The following PHACTR1 variants were observed in gnomAD, a reference collection of about 807,000 sequenced individuals.
PHACTR1 encodes RPEL repeat containing 1.
Under a neutral mutation model 69.2 loss-of-function variants are expected in PHACTR1, and 16 were observed. The observed-to-expected ratio is 0.23, with a 90% CI of 0.16 to 0.35. PHACTR1 has a LOEUF of 0.35. Among genes scored for constraint, PHACTR1 ranks in the 10% least tolerant of loss-of-function variants. The pLI is 1.00. For synonymous variants in PHACTR1, 312 were observed against 284.5 expected (o/e 1.10, Z -0.97); for missense variants, 510 against 734.7 (o/e 0.69, Z 3.54).
intron 6 of PHACTR1, among the ~76,000 whole-genome samples, chr6:13,172,611 A>T (rs1760773737): frequency 1.3e-5 from 2 of 152,218 alleles, no homozygotes; most frequent in Non-Finnish European, 2.9e-5. Flanking sequence ...ACCCAGGGTC[A>T]ATGTCTTTGC....
intron 4 of PHACTR1, among the ~76,000 whole-genome samples, chr6:12,859,915 C>A (rs1007961474): frequency 1.3e-5 from 2 of 152,138 alleles, no homozygotes; most frequent in East Asian, 3.9e-4. Context: ...TAGAGCTAGG[C>A]GGCACCAACC....
chr6:13,263,603 T>A (rs934164121), intron 10 of PHACTR1, among the ~76,000 whole-genome samples: 3 of 152,250 alleles, frequency 2.0e-5, no homozygotes, highest in Non-Finnish European at 2.9e-5. Flanking sequence ...CATTAAACAT[T>A]TAATTTTGGA....
chr6:13,286,075 G>A, intron 13 of PHACTR1, 71 bp from the exon 14 acceptor site: 1 of 1,267,838 alleles, frequency 7.9e-7, no homozygotes. Flanking sequence ...ATGTTGTTAG[G>A]AATGAACTGA....
At chr6:13,171,180 C>T (rs1413223021) in intron 6 of PHACTR1, among the ~76,000 whole-genome samples, 1 of 136,116 alleles carries the variant, frequency 7.3e-6, no homozygotes, top group African/African-American at 2.9e-5. Flanking sequence ...CCCACCCCAC[C>T]CCACTTCCGC....
At chr6:12,761,093 C>A (rs1385282505) in intron 4 of PHACTR1, among the ~76,000 whole-genome samples, 1 of 152,178 alleles carries the variant, frequency 6.6e-6, no homozygotes, top group Non-Finnish European at 1.5e-5. Context: ...TCTCTCTGAA[C>A]CTCTGAAACT....
intron 4 of PHACTR1, among the ~76,000 whole-genome samples, chr6:12,792,823 T>C (rs1016184642): frequency 1.3e-5 from 2 of 150,810 alleles, no homozygotes; most frequent in Admixed American, 1.3e-4. Flanking sequence ...CCACTATGTT[T>C]GTGCTTTAAA....
In PHACTR1 at chr6:12,815,842, G is replaced by GA. The variant is rs559182589; in HGVS notation, c.250+66059dup. 3.8e-3 allele frequency among the ~76,000 whole-genome samples: 584 copies of GA among 152,156 alleles called. 6 individuals are homozygous for GA. Among genetic ancestry groups the GA allele is most frequent in the African/African-American group, 0.012 (510 of 41,508 alleles). Reference sequence around the variant, plus strand: ...TCCACAAGAAACTGAAGGTTTTCATGAAAAAAAGTCCTTTTTCTTCTCCTG... The same window carrying GA: ...TCCACAAGAAACTGAAGGTTTTCATGAAAAAAAAGTCCTTTTTCTTCTCCTG... On this transcript the variant is annotated intron_variant, in intron 4 of 14. Coordinates refer to ENST00000332995, the MANE Select transcript of PHACTR1 (RefSeq NM_030948.6).
chr6:12,961,654 A>T (rs1039095761), intron 4 of PHACTR1, among the ~76,000 whole-genome samples: 2 of 152,246 alleles, frequency 1.3e-5, no homozygotes, highest in African/African-American at 4.8e-5. Context: ...TCTTATAGAT[A>T]GTAATGAAGA....
intron 4 of PHACTR1, among the ~76,000 whole-genome samples, chr6:12,886,718 A>C (rs1289816186): frequency 1.3e-5 from 2 of 152,190 alleles, no homozygotes; most frequent in African/African-American, 4.8e-5. Context: ...GCTCATGGAG[A>C]CACCTGATGC....
intron 4 of PHACTR1, among the ~76,000 whole-genome samples, chr6:12,829,144 CA>C (rs1182842183): frequency 2.0e-5 from 3 of 152,056 alleles, no homozygotes; most frequent in African/African-American, 7.2e-5. Flanking sequence ...AACAAGAAAG[CA>C]ATTTGGAATA....
At chr6:12,832,603 A>T (rs145271336) in intron 4 of PHACTR1, among the ~76,000 whole-genome samples, 17 of 152,198 alleles carry the variant, frequency 1.1e-4, no homozygotes, top group African/African-American at 4.1e-4. Context: ...AGAACTTCTC[A>T]TATGAAAGCC....
intron 4 of PHACTR1, among the ~76,000 whole-genome samples, chr6:12,799,602 C>T (rs906173390): frequency 6.6e-6 from 1 of 152,150 alleles, no homozygotes; most frequent in Non-Finnish European, 1.5e-5. Flanking sequence ...AGAAGGGCAC[C>T]TGCCTCACCT....
In PHACTR1 at chr6:12,757,910, G is replaced by A. The variant is rs111393404; in HGVS notation, c.250+8120G>A. Among the ~76,000 whole-genome samples, 1,066 of 152,178 alleles carry A rather than the reference G, an allele frequency of 7.0e-3. 5 individuals carry two copies. The highest frequency in any genetic ancestry group is 0.027 in the Middle Eastern group (8 of 294). The stretch of plus-strand genomic sequence containing the variant: ...GCGGATCACCTGAGGTCAGGAGTTC[G>A]AGACGAGCCTGGCCAACACGGTGAA... On this transcript the variant is annotated intron_variant, in intron 4 of 14. Transcript: ENST00000332995.
intron 5 of PHACTR1, among the ~76,000 whole-genome samples, chr6:13,117,892 G>A (rs1389922672): frequency 1.3e-5 from 2 of 152,094 alleles, no homozygotes; most frequent in African/African-American, 4.8e-5. Flanking sequence ...TGCAACAGAC[G>A]TCTCACATAA....
At chr6:12,852,949 T>C (rs1337712788) in intron 4 of PHACTR1, among the ~76,000 whole-genome samples, 2 of 152,126 alleles carry the variant, frequency 1.3e-5, no homozygotes, top group South Asian at 2.1e-4. Flanking sequence ...CCTTCCTTTA[T>C]CAGCACTGGG....
At chr6:13,014,272 G>A (rs1385351445) in intron 4 of PHACTR1, among the ~76,000 whole-genome samples, 1 of 152,120 alleles carries the variant, frequency 6.6e-6, no homozygotes. Context: ...ACTCCACCCA[G>A]ACATGACAGC....
intron 4 of PHACTR1, among the ~76,000 whole-genome samples, chr6:12,907,896 T>C (rs896262719): frequency 1.3e-5 from 2 of 152,242 alleles, no homozygotes; most frequent in African/African-American, 4.8e-5. Context: ...TGAGGCCTTT[T>C]CTTACGATGC....
intron 10 of PHACTR1, among the ~76,000 whole-genome samples, chr6:13,255,391 A>G (rs554311702): frequency 6.6e-6 from 1 of 152,298 alleles, no homozygotes; most frequent in East Asian, 1.9e-4. Flanking sequence ...TCCAAACCAT[A>G]TCATTCTGCC....
intron 10 of PHACTR1, among the ~76,000 whole-genome samples, chr6:13,258,479 C>A (rs993996135): frequency 6.6e-6 from 1 of 152,066 alleles, no homozygotes; most frequent in South Asian, 2.1e-4. Flanking sequence ...GAATGAGAAC[C>A]ACTGACATAG....
Sources: gnomAD v4.1 joint callset for allele counts (sites outside exome capture counted in the v4.1 genomes callset) on GRCh38, gnomAD v4.1.1 for gene constraint, MANE v1.5 for transcripts, NCBI Gene and HGNC (gene_info 2026-07-23, HGNC 2026-07-21) for gene names.